The following MYB variants were observed in gnomAD, a reference collection of about 807,000 sequenced individuals.
MYB encodes the protein transcriptional activator Myb.
MYB carries 28 observed loss-of-function variants against 92.9 expected under a neutral mutation model. The observed-to-expected ratio is 0.30, with a 90% confidence interval of 0.22 to 0.41. MYB has a LOEUF of 0.41. MYB is among the 10% of genes least tolerant of loss of function. The probability of loss-of-function intolerance (pLI) is 1.00; values close to 1 mark genes in which losing one functional copy is unlikely to be tolerated. For synonymous variants in MYB, 295 were observed against 329.1 expected (o/e 0.90, Z 1.12); for missense variants, 679 against 929.3 (o/e 0.73, Z 3.50).
At chr6:135,196,927 A>G (rs771880822) in intron 9 of MYB, 34 bp from the exon 10 acceptor site, 37 of 1,597,662 alleles carry the variant, frequency 2.3e-5, no homozygotes, top group African/African-American at 5.4e-5. Flanking sequence ...GGCACACACT[A>G]TCTCAAAGTT....
At chr6:135,189,986 T>C in intron 4 of MYB, 103 bp downstream of exon 4, 2 of 1,390,628 alleles carry the variant, frequency 1.4e-6, no homozygotes. Context: ...AAACAGGAAG[T>C]AGAGGACTCT....
intron 1 of MYB, among the ~76,000 whole-genome samples, chr6:135,183,755 T>C (rs1775504233): frequency 1.3e-5 from 2 of 152,196 alleles, no homozygotes; most frequent in African/African-American, 4.8e-5. Flanking sequence ...CAGAAGTCAC[T>C]CTCCACCTTG....
intron 15 of MYB, among the ~76,000 whole-genome samples, chr6:135,211,742 TGTTA>T (rs900921598): frequency 3.3e-5 from 5 of 152,188 alleles, no homozygotes; most frequent in Non-Finnish European, 7.3e-5. Context: ...CATTTGCAAT[TGTTA>T]GTTAGGCTTG....
chr6:135,217,998 A>G lies in MYB; in HGVS notation c.*18A>G. 1 of 1,555,872 alleles carries G rather than the reference A, an allele frequency of 6.4e-7. No homozygotes were observed. The highest frequency in any genetic ancestry group is 1.4e-5 in the African/African-American group (1 of 73,680). On this transcript the variant is annotated 3_prime_UTR_variant, in exon 16 of 16. Coordinates refer to ENST00000341911, the MANE Select transcript of MYB (RefSeq NM_001130173.2). Reference sequence around the variant, plus strand: ...TCATGTGAGACATTTCCAGAAAAGCATTATGGTTTTCAGAACACTTCAAGT... The same window carrying G: ...TCATGTGAGACATTTCCAGAAAAGCGTTATGGTTTTCAGAACACTTCAAGT...
At position 135,211,189 on chromosome 6, in the gene MYB, A is replaced by G. The variant is rs909167384; in HGVS notation, c.2170-6675A>G. Among the ~76,000 whole-genome samples, 62 of 148,362 alleles carry G rather than the reference A, an allele frequency of 4.2e-4. 4 individuals carry two copies. Among genetic ancestry groups the G allele is most frequent in the Non-Finnish European group, 4.5e-5 (3 of 67,386 alleles). On this transcript the variant is annotated intron_variant, in intron 15 of 15. Transcript: ENST00000341911. ...AGATCTTTCCGAGCCTTTTTCATCT[A>G]GTGTGCTGTGCTGACCCGCTCCCCT...
At position 135,187,893 on chromosome 6, in the gene MYB, C is replaced by A; in HGVS notation, c.201C>A (p.Ala67=). The A allele has an allele frequency of 6.2e-7, 1 of 1,608,398 alleles. No homozygotes were observed. The highest frequency in any genetic ancestry group is 1.1e-5 in the South Asian group (1 of 90,220). ...QNGTDDWKVI[A]NYLPNRTDVQ... ...GAACAGATGACTGGAAAGTTATTGC[C>A]AATTATCTCCCGGTAAGTTAGTAAG... is the stretch of plus-strand genomic sequence containing the variant. The change falls in exon 3 of 16, where the codon GCC becomes GCA. Residue 67 remains alanine (A), a synonymous_variant. Coordinates refer to ENST00000341911, the MANE Select transcript of MYB (RefSeq NM_001130173.2).
rs769256842 is a variant in MYB, at chr6:135,203,286, A to T, written c.2131A>T (p.Thr711Ser). The T allele has an allele frequency of 1.4e-5, 22 of 1,610,510 alleles. No individual in the cohort carries two copies. Among genetic ancestry groups the T allele is most frequent in the East Asian group, 6.7e-5 (3 of 44,866 alleles). The change falls in exon 15 of 16, where the codon ACA (threonine) becomes TCA (serine). Residue 711 changes from threonine (T) to serine (S), a missense_variant. This residue lies in a region of MYB where 402 missense variants were observed against 434.2 expected (regional missense o/e 0.93). Coordinates refer to ENST00000341911, the MANE Select transcript of MYB (RefSeq NM_001130173.2). The stretch of plus-strand genomic sequence containing the variant: ...TGAAGACAATGTTCTCAAAGCATTT[A>T]CAGTACCTAAAAACAGGTCCCTGGC... ...EDEDNVLKAF[T>S]VPKNRSLASP...
Position 135,181,580 on chromosome 6 carries a change from G to T in MYB, c.23+44G>T. 8.9e-7 allele frequency: 1 copy of T among 1,122,014 alleles called. No individual in the cohort carries two copies. The highest frequency in any genetic ancestry group is 4.4e-5 in the South Asian group (1 of 22,966). 69.5% of individuals were successfully genotyped at this position (1,122,014 alleles called of 1,614,324 possible). On this transcript the variant is annotated intron_variant, in intron 1 of 15. Coordinates refer to ENST00000341911, the MANE Select transcript of MYB (RefSeq NM_001130173.2). The surrounding 1 kb of genome is among the most constrained non-coding windows in gnomAD (Gnocchi z 5.3). ...GGCGGCCGAGGGCGGGGGCGCGCGG[G>T]GGCGCGCGGGGCGCCAGGCTCCCGG...
At position 135,197,313 on chromosome 6, in the gene MYB, C is replaced by T. The variant is rs1284261925; in HGVS notation, c.1556C>T (p.Ser519Phe). The T allele has an allele frequency of 6.2e-7, 1 of 1,609,354 alleles. No individual in the cohort carries two copies. The highest frequency in any genetic ancestry group is 1.7e-5 in the Admixed American group (1 of 59,578). The change falls in exon 10 of 16, where the codon TCT (serine) becomes TTT (phenylalanine). Residue 519 changes from serine (S) to phenylalanine (F), a missense_variant. Ser to Phe is a radical substitution (Grantham distance 155). This residue lies in a region of MYB where 402 missense variants were observed against 434.2 expected (regional missense o/e 0.93). Transcript: ENST00000341911. ...KRSPVKSLPF[S>F]PSQFLNTSSN... is the part of the protein sequence containing the mutation. ...TCCCCTGTCAAAAGCCTACCCTTCTCTCCCTCGCAGGTAGAACACAATTTC... is the reference window on the plus strand; with the variant it reads ...TCCCCTGTCAAAAGCCTACCCTTCTTTCCCTCGCAGGTAGAACACAATTTC...
chr6:135,203,235 G>A lies in MYB; in HGVS notation c.2080G>A (p.Val694Ile), dbSNP rs568000053. ...CCTTTAGAATATTCTTACAAGCTCC[G>A]TTTTAATGGCACCAGCATCAGAAGA... ...ADAPNILTSS[V>I]LMAPASEDED... Residue 694 changes from valine to isoleucine, a missense_variant, in exon 15 of 16, where the codon GTT becomes ATT. Coordinates refer to ENST00000341911, the MANE Select transcript of MYB (RefSeq NM_001130173.2). 45 of 1,605,788 alleles carry A rather than the reference G, an allele frequency of 2.8e-5. No homozygotes were observed. The highest frequency in any genetic ancestry group is 3.3e-4 in the Middle Eastern group (2 of 6,036).
rs1562373460 is a variant in MYB, at chr6:135,194,353, C to G, written c.844-3C>G. 6.3e-7 allele frequency: 1 copy of G among 1,596,782 alleles called. No homozygotes were observed. The highest frequency in any genetic ancestry group is 8.6e-7 in the Non-Finnish European group (1 of 1,167,508). The stretch of plus-strand genomic sequence containing the variant: ...CTTTATTTCCCTTACTTTGTAATTT[C>G]AGAGACACTATAATGATGAAGACCC... On this transcript the variant is annotated splice_region_variant and splice_polypyrimidine_tract_variant and intron_variant, in intron 7 of 15. Coordinates refer to ENST00000341911, the MANE Select transcript of MYB (RefSeq NM_001130173.2).
intron 15 of MYB, among the ~76,000 whole-genome samples, chr6:135,211,909 C>G (rs1351273505): frequency 6.6e-6 from 1 of 152,134 alleles, no homozygotes; most frequent in Non-Finnish European, 1.5e-5. Context: ...CATTTACTCT[C>G]GAGAAAAGTT....
chr6:135,195,405 C>G, intron 8 of MYB: 1 of 281,264 alleles, frequency 3.6e-6, no homozygotes, highest in South Asian at 4.8e-5. Context: ...TTCAGTTCTT[C>G]ACTCACAGCA....
At chr6:135,203,520 A>G (rs560877331) in intron 15 of MYB, 196 bp downstream of exon 15, 21 of 665,120 alleles carry the variant, frequency 3.2e-5, no homozygotes, top group African/African-American at 9.1e-5. Flanking sequence ...TGCTACTCAT[A>G]TGAGACATGC....
intron 15 of MYB, among the ~76,000 whole-genome samples, chr6:135,217,490 A>G (rs756036955): frequency 6.6e-6 from 1 of 152,228 alleles, no homozygotes; most frequent in Non-Finnish European, 1.5e-5. Context: ...GCTGCTTTGC[A>G]CTGTGGCTAC....
chr6:135,189,194 TCTC>T (rs1292127733), intron 3 of MYB, among the ~76,000 whole-genome samples: 1 of 152,192 alleles, frequency 6.6e-6, no homozygotes, highest in Admixed American at 6.5e-5. Context: ...AAGATGCTTC[TCTC>T]CTCACTTCAG....
intron 15 of MYB, among the ~76,000 whole-genome samples, chr6:135,217,422 T>C (rs1463432276): frequency 6.6e-6 from 1 of 152,148 alleles, no homozygotes; most frequent in East Asian, 1.9e-4. Flanking sequence ...CTAAAGTAAT[T>C]GATGAAAACA....
chr6:135,212,645 G>A (rs1779908191), intron 15 of MYB, among the ~76,000 whole-genome samples: 1 of 152,190 alleles, frequency 6.6e-6, no homozygotes, highest in Non-Finnish European at 1.5e-5. Flanking sequence ...AGGAGGATGT[G>A]TGGGTAGGAT....
At position 135,186,455 on chromosome 6, in the gene MYB, T is replaced by C. The variant is rs144328200; in HGVS notation, c.141+435T>C. ...TATACCTCCTCCAGCTGACTGCAAG[T>C]CTGTTGAGGGCAGGGCTCTTGTCTA... On this transcript the variant is annotated intron_variant, in intron 2 of 15. Coordinates refer to ENST00000341911, the MANE Select transcript of MYB (RefSeq NM_001130173.2). Among the ~76,000 whole-genome samples, 613 of 152,362 alleles carry C rather than the reference T, an allele frequency of 4.0e-3. 6 individuals are homozygous for C. The highest frequency in any genetic ancestry group is 0.014 in the African/African-American group (570 of 41,590).
Sources: allele counts gnomAD v4.1 joint callset (sites outside exome capture counted in the v4.1 genomes callset), GRCh38; gene constraint gnomAD v4.1.1; regional missense constraint gnomAD v4.1.1; non-coding constraint Gnocchi (gnomAD v3.1); transcripts MANE v1.5; gene names NCBI Gene and HGNC (gene_info 2026-07-23, HGNC 2026-07-21).